The following EPSTI1 variants were observed in gnomAD, a reference collection of about 807,000 sequenced individuals.
EPSTI1 encodes epithelial stromal interaction 1.
In EPSTI1, 66 loss-of-function variants were observed where a neutral mutation model predicts 49.9. The observed-to-expected ratio is 1.32, with a 90% CI of 1.08 to 1.62. The LOEUF (loss-of-function observed/expected upper bound fraction) is 1.62, where lower values mean the gene tolerates loss of function less well. EPSTI1 is among the 40% of genes most tolerant of loss of function. The pLI is 0.00. For synonymous variants in EPSTI1, 137 were observed against 130.7 expected (o/e 1.05, Z -0.33); for missense variants, 394 against 365.5 (o/e 1.08, Z -0.64).
At chr13:42,934,309 G>A (rs75522863) in intron 6 of EPSTI1, 1,902 of 154,856 alleles carry the variant, frequency 0.012, 17 homozygotes, top group Non-Finnish European at 0.017. Flanking sequence ...CTACTTATGA[G>A]TTACGAACAC....
At chr13:42,947,485 A>T (rs2038953439) in intron 6 of EPSTI1, among the ~76,000 whole-genome samples, 1 of 152,220 alleles carries the variant, frequency 6.6e-6, no homozygotes, top group Non-Finnish European at 1.5e-5. Flanking sequence ...AATTGTGGAC[A>T]TGTCATCCCT....
At chr13:42,949,415 C>A (rs2039025662) in intron 6 of EPSTI1, among the ~76,000 whole-genome samples, 1 of 152,038 alleles carries the variant, frequency 6.6e-6, no homozygotes. Context: ...TATGGTGAAA[C>A]CCCACCTCTA....
At chr13:42,968,954 A>ACACACACACACACACACAC (rs5803160) in intron 3 of EPSTI1, 140 bp downstream of exon 3, 5,722 of 539,666 alleles carry the variant, frequency 0.011, 411 homozygotes, top group African/African-American at 0.035. Context: ...ACACACACAC[A>ACACACACACACACACACAC]ATTAAATGCA....
intron 6 of EPSTI1, among the ~76,000 whole-genome samples, chr13:42,935,541 G>A (rs2038531322): frequency 1.3e-5 from 2 of 152,120 alleles, no homozygotes; most frequent in African/African-American, 4.8e-5. Flanking sequence ...ATTAACTCTA[G>A]CTTCATCCTA....
chr13:42,918,106 T>C (rs563581867), intron 7 of EPSTI1, among the ~76,000 whole-genome samples: 12 of 152,316 alleles, frequency 7.9e-5, no homozygotes, highest in Non-Finnish European at 1.5e-4. Context: ...ATTTCAAGGA[T>C]GCATATTTTC....
intron 6 of EPSTI1, among the ~76,000 whole-genome samples, chr13:42,932,623 TAA>T (rs112618216): frequency 3.8e-4 from 53 of 137,928 alleles, no homozygotes; most frequent in African/African-American, 6.0e-4. Context: ...AACATCCAGG[TAA>T]AAAAAAAAAA....
intron 6 of EPSTI1, among the ~76,000 whole-genome samples, chr13:42,952,466 T>C (rs566314381): frequency 1.6e-4 from 24 of 152,310 alleles, no homozygotes; most frequent in African/African-American, 5.8e-4. Context: ...AAATAAATTC[T>C]CATTCATTCT....
chr13:42,906,443 C>T (rs2037501259), intron 8 of EPSTI1, among the ~76,000 whole-genome samples: 1 of 152,232 alleles, frequency 6.6e-6, no homozygotes, highest in Non-Finnish European at 1.5e-5. Flanking sequence ...AGCTTGACTG[C>T]TTTATGTAAA....
chr13:42,942,270 T>G (rs1422461399), intron 6 of EPSTI1, among the ~76,000 whole-genome samples: 1 of 152,188 alleles, frequency 6.6e-6, no homozygotes. Flanking sequence ...AGAGCTTTTA[T>G]TCTAATAAGA....
intron 1 of EPSTI1, among the ~76,000 whole-genome samples, chr13:42,986,423 A>G (rs948752678): frequency 2.6e-5 from 4 of 152,066 alleles, no homozygotes; most frequent in African/African-American, 9.7e-5. Flanking sequence ...TAGCTAGAAA[A>G]ACCAGCTATG....
chr13:42,908,312 C>A (rs1326066837), intron 8 of EPSTI1, among the ~76,000 whole-genome samples: 2 of 151,916 alleles, frequency 1.3e-5, no homozygotes, highest in Non-Finnish European at 2.9e-5. Context: ...ATGGCAAAGC[C>A]CCGTCTCTAC....
At chr13:42,942,034 C>A (rs1205629792) in intron 6 of EPSTI1, among the ~76,000 whole-genome samples, 1 of 152,032 alleles carries the variant, frequency 6.6e-6, no homozygotes. Flanking sequence ...GTATTTCAAA[C>A]CTATTTTGAT....
intron 6 of EPSTI1, among the ~76,000 whole-genome samples, chr13:42,939,040 T>C (rs1212004573): frequency 6.6e-6 from 1 of 152,174 alleles, no homozygotes; most frequent in Non-Finnish European, 1.5e-5. Context: ...GTTTATATTA[T>C]GGAGCTGGCT....
At chr13:42,939,426 GA>G (rs1326777761) in intron 6 of EPSTI1, among the ~76,000 whole-genome samples, 1 of 122,050 alleles carries the variant, frequency 8.2e-6, no homozygotes, top group Non-Finnish European at 2.0e-5. Flanking sequence ...GATTTAAAAT[GA>G]GAGACATGTG....
At chr13:42,980,173 C>T (rs1022479464) in intron 1 of EPSTI1, among the ~76,000 whole-genome samples, 2 of 151,784 alleles carry the variant, frequency 1.3e-5, no homozygotes, top group African/African-American at 4.8e-5. Context: ...TCCAAGATGC[C>T]ACTGTGAGAA....
intron 6 of EPSTI1, among the ~76,000 whole-genome samples, chr13:42,929,829 C>T (rs182929120): frequency 6.6e-6 from 1 of 152,182 alleles, no homozygotes; most frequent in East Asian, 1.9e-4. Context: ...GATAAAAAAC[C>T]CCACACAGAC....
In EPSTI1 at chr13:42,948,419, CTTG is replaced by C. The variant is rs1212797567; in HGVS notation, c.563+5526_563+5528del. ...GCTCTCTGCAGGAACTCCAGAGTGG[CTTG>C]TTGTTTTTTTTTTTTTTTTGCTGTT... On this transcript the variant is annotated intron_variant, in intron 6 of 10. Coordinates refer to ENST00000313624, the MANE Select transcript of EPSTI1 (RefSeq NM_033255.5). Among the ~76,000 whole-genome samples the C allele has an allele frequency of 1.1e-4, 12 of 107,378 alleles. No homozygotes were observed. The South Asian group carries it at 4.1e-3, about 37-fold the overall frequency. The allele number at this position is 107,378 out of a possible 152,430, so 70.4% of individuals were successfully genotyped here. A position where few individuals can be genotyped will look rare whatever the true frequency, so the allele number is the denominator to read the frequency against.
At chr13:42,942,349 T>C (rs2038779607) in intron 6 of EPSTI1, among the ~76,000 whole-genome samples, 1 of 152,172 alleles carries the variant, frequency 6.6e-6, no homozygotes, top group Admixed American at 6.5e-5. Context: ...TGTTACTTTT[T>C]ATTGAAAAAT....
intron 5 of EPSTI1, among the ~76,000 whole-genome samples, chr13:42,954,238 C>A (rs2039191331): frequency 6.6e-6 from 1 of 152,176 alleles, no homozygotes; most frequent in African/African-American, 2.4e-5. Context: ...TCCCCTCTCC[C>A]AACTTGATTG....
Sources: allele counts gnomAD v4.1 joint callset (sites outside exome capture counted in the v4.1 genomes callset), GRCh38; gene constraint gnomAD v4.1.1; transcripts MANE v1.5; gene names NCBI Gene and HGNC (gene_info 2026-07-23, HGNC 2026-07-21).